The following RBFOX2 variants were observed in gnomAD, a reference collection of about 807,000 sequenced individuals.
RBFOX2 encodes RNA binding fox-1 homolog 2.
A neutral mutation model predicts 49.1 loss-of-function variants in RBFOX2; 10 were observed. The ratio of observed to expected loss-of-function variants is 0.20; its 90% confidence interval spans 0.13 to 0.35. The LOEUF (loss-of-function observed/expected upper bound fraction) is 0.35. Among genes scored for constraint, RBFOX2 ranks in the 10% least tolerant of loss-of-function variants. RBFOX2 has a pLI of 1.00. For missense variants in RBFOX2, 323 were observed against 486.9 expected (o/e 0.66, Z 3.17); for synonymous variants, 183 against 187.4 (o/e 0.98, Z 0.19).
chr22:35,876,997 G>C lies in RBFOX2; in HGVS notation c.-34+61850C>G, dbSNP rs141422227. Among the ~76,000 whole-genome samples the C allele has an allele frequency of 2.5e-3, 384 of 152,328 alleles. 1 individual carries two copies. Among genetic ancestry groups the C allele is most frequent in the African/African-American group, 8.8e-3 (364 of 41,574 alleles). On this transcript the variant is annotated intron_variant, in intron 1 of 13. Coordinates refer to the RBFOX2 transcript ENST00000359369. Reference sequence around the variant, plus strand: ...ACAAATTTAATCACTGACTAAGAAAGTAGAGACTTCTGTAGATTTAGAGGA... The same window carrying C: ...ACAAATTTAATCACTGACTAAGAAACTAGAGACTTCTGTAGATTTAGAGGA...
At chr22:35,894,683 C>A (rs2047628770) in intron 1 of RBFOX2, among the ~76,000 whole-genome samples, 1 of 152,178 alleles carries the variant, frequency 6.6e-6, no homozygotes, top group East Asian at 1.9e-4. Flanking sequence ...AAACCTAACA[C>A]CTTGGAACAG....
At chr22:35,879,163 T>G (rs189350632) in intron 1 of RBFOX2, among the ~76,000 whole-genome samples, 19 of 152,314 alleles carry the variant, frequency 1.2e-4, no homozygotes, top group Non-Finnish European at 2.8e-4. Flanking sequence ...CATGAGTATA[T>G]CTGGAGAGAA....
At chr22:35,845,765 A>G (rs1421986975) in intron 1 of RBFOX2, among the ~76,000 whole-genome samples, 2 of 152,234 alleles carry the variant, frequency 1.3e-5, no homozygotes, top group Non-Finnish European at 2.9e-5. Context: ...TGGGTTGTCA[A>G]GAAGATAATA....
intron 1 of RBFOX2, among the ~76,000 whole-genome samples, chr22:35,875,740 C>T (rs1177402204): frequency 6.6e-6 from 1 of 151,416 alleles, no homozygotes; most frequent in South Asian, 2.1e-4. Flanking sequence ...CCCGACTACC[C>T]TTTTCCAACC....
intron 1 of RBFOX2, among the ~76,000 whole-genome samples, chr22:35,946,347 C>T (rs891434733): frequency 1.9e-4 from 29 of 152,158 alleles, no homozygotes; most frequent in Non-Finnish European, 3.5e-4. Flanking sequence ...AAAGGTTGGA[C>T]GGAACCTTGG....
intron 1 of RBFOX2, among the ~76,000 whole-genome samples, chr22:35,881,414 C>CA (rs1436005606): frequency 4.6e-5 from 7 of 151,680 alleles, no homozygotes; most frequent in Non-Finnish European, 8.8e-5. Flanking sequence ...CTTGTCTCTA[C>CA]AAAAAAATAA....
At chr22:35,860,604 TA>T in intron 1 of RBFOX2, among the ~76,000 whole-genome samples, 1 of 152,376 alleles carries the variant, frequency 6.6e-6, no homozygotes. Context: ...CTGCAGGCTT[TA>T]AATCAGGCTG....
At chr22:35,882,219 C>G (rs1313868930) in intron 1 of RBFOX2, among the ~76,000 whole-genome samples, 1 of 151,992 alleles carries the variant, frequency 6.6e-6, no homozygotes, top group Admixed American at 6.6e-5. Flanking sequence ...GTATGATGTC[C>G]TGCAAGTCAA....
At chr22:35,744,355 C>A in intron 11 of RBFOX2, 106 bp from the exon 14 acceptor site, 1 of 1,007,908 alleles carries the variant, frequency 9.9e-7, no homozygotes, top group South Asian at 1.9e-5. Context: ...GCTTCGAAGC[C>A]TCAAAGCAAC....
At chr22:36,026,543 C>CAGACAT (rs546432928) in intron 1 of RBFOX2, among the ~76,000 whole-genome samples, 3,125 of 138,598 alleles carry the variant, frequency 0.023, 106 homozygotes, top group African/African-American at 0.079. Flanking sequence ...TGAATACATA[C>CAGACAT]ACACACACAC....
chr22:35,897,761 T>C, intron 1 of RBFOX2: 3 of 768,606 alleles, frequency 3.9e-6, no homozygotes, highest in Non-Finnish European at 7.2e-6. Flanking sequence ...GCAAAATAAT[T>C]AAGGAATCTA....
chr22:35,869,314 C>T (rs919831131), intron 1 of RBFOX2, among the ~76,000 whole-genome samples: 7 of 151,748 alleles, frequency 4.6e-5, no homozygotes, highest in South Asian at 2.1e-4. Flanking sequence ...CCCACCGCCA[C>T]GCCTGGCTAA....
Position 35,840,323 on chromosome 22 carries a change from G to A in RBFOX2, c.-105C>T, listed in dbSNP as rs531605358. 3.5e-5 allele frequency: 56 copies of A among 1,608,824 alleles called. No individual in the cohort carries two copies. The African/African-American group carries it at 7.3e-4, about 21-fold the overall frequency. The stretch of plus-strand genomic sequence containing the variant: ...CCCCCCCCAATCTAGCTATTTAAGG[G>A]TGGGTAATTGATCTCTCTTTATACC... On this transcript the variant is annotated 5_prime_UTR_variant, in exon 1 of 12. Coordinates refer to ENST00000405409, the Ensembl canonical transcript of RBFOX2.
At chr22:35,944,122 A>C (rs2054006148) in intron 1 of RBFOX2, among the ~76,000 whole-genome samples, 1 of 152,254 alleles carries the variant, frequency 6.6e-6, no homozygotes, top group South Asian at 2.1e-4. Context: ...TAGTGCTGGT[A>C]TTCTTGCCCT....
At chr22:35,853,658 C>T (rs1197022670) in intron 1 of RBFOX2, among the ~76,000 whole-genome samples, 21 of 141,054 alleles carry the variant, frequency 1.5e-4, no homozygotes, top group Non-Finnish European at 2.9e-4. Context: ...TATATACACA[C>T]GTGTGTGTGT....
Position 35,770,524 on chromosome 22 carries a change from G to A in RBFOX2, c.454-2175C>T, listed in dbSNP as rs117858151. On this transcript the variant is annotated intron_variant, in intron 4 of 11. Transcript: ENST00000405409. ...ATTTTGAAGGTAAAGAAACTGAGTC[G>A]AACTGAGATTAAGTACCCAAGGATA... 2.1e-3 allele frequency among the ~76,000 whole-genome samples: 324 copies of A among 152,162 alleles called. 6 individuals are homozygous for A. In the East Asian group the frequency reaches 0.05, roughly 23 times the overall value.
chr22:35,942,005 T>C (rs143635782), upstream of RBFOX2, among the ~76,000 whole-genome samples: 96 of 152,332 alleles, frequency 6.3e-4, 1 homozygote, highest in South Asian at 1.7e-3. Flanking sequence ...CTTCAGTAAT[T>C]TGGCATTTTT....
In RBFOX2 at chr22:35,761,491, T is replaced by G. The variant is rs1374972447; in HGVS notation, c.608-23A>C. 8 of 1,612,446 alleles carry G rather than the reference T, an allele frequency of 5.0e-6. No homozygotes were observed. In the Admixed American group the frequency reaches 1.3e-4, roughly 27 times the overall value. On this transcript the variant is annotated intron_variant, in intron 6 of 11. Coordinates refer to ENST00000405409, the Ensembl canonical transcript of RBFOX2. ...AACCTGAAACACACAAAATGGAAGG[T>G]AAGCATTTAAGACTGTTTGAGGAAA...
chr22:36,001,218 C>T lies in RBFOX2; in HGVS notation c.186+27022G>A, dbSNP rs1041342558. Among the ~76,000 whole-genome samples the T allele has an allele frequency of 1.8e-4, 26 of 148,236 alleles. 1 individual carries two copies. Among genetic ancestry groups the T allele is most frequent in the South Asian group, 1.1e-3 (5 of 4,632 alleles). On this transcript the variant is annotated intron_variant, in intron 1 of 13. Coordinates refer to the RBFOX2 transcript ENST00000438146. The stretch of plus-strand genomic sequence containing the variant: ...ACACACACACACACACACACACACA[C>T]ACACACACACACACACTATATGTAT...
Sources: gnomAD v4.1 joint callset for allele counts (sites outside exome capture counted in the v4.1 genomes callset) on GRCh38, gnomAD v4.1.1 for gene constraint, MANE v1.5 for transcripts, NCBI Gene and HGNC (gene_info 2026-07-23, HGNC 2026-07-21) for gene names.